TUSC3: variants seen among roughly 807,000 people sequenced by gnomAD.
TUSC3 encodes the protein tumor suppressor candidate 3.
A neutral mutation model predicts 44.8 loss-of-function variants in TUSC3; 45 were observed. The ratio of observed to expected loss-of-function variants is 1.00; its 90% CI spans 0.79 to 1.29. The LOEUF is 1.29. Ranked by LOEUF, TUSC3 falls within the 50% of genes most tolerant of loss-of-function variation. The probability of loss-of-function intolerance (pLI) is 0.00; values close to 1 mark genes in which losing one functional copy is unlikely to be tolerated. For synonymous variants in TUSC3, 212 were observed against 152.9 expected (o/e 1.39, Z -2.85); for missense variants, 519 against 437.9 (o/e 1.19, Z -1.65).
At chr8:15,536,720 A>G (rs1047752120), upstream of TUSC3, among the ~76,000 whole-genome samples, 3 of 140,478 alleles carry the variant, frequency 2.1e-5, no homozygotes, top group Non-Finnish European at 3.0e-5. Flanking sequence ...AAAAAAAAAA[A>G]AAAAGAATGC....
intron 5 of TUSC3, among the ~76,000 whole-genome samples, chr8:15,667,427 GAT>G (rs974885597): frequency 6.6e-6 from 1 of 151,616 alleles, no homozygotes; most frequent in Admixed American, 6.6e-5. Flanking sequence ...TAAATTCACT[GAT>G]ATGCATGTCT....
chr8:15,738,821 A>ATCTTTCTTTTTTTTTTCTT (rs1412644496), intron 7 of TUSC3, among the ~76,000 whole-genome samples: 7 of 93,406 alleles, frequency 7.5e-5, no homozygotes, highest in Admixed American at 6.6e-4. Context: ...CTATTAATAT[A>ATCTTTCTTTTTTTTTTCTT]TCTTGCTTTT....
chr8:15,545,390 G>T (rs1329583957), intron 1 of TUSC3, among the ~76,000 whole-genome samples: 1 of 151,526 alleles, frequency 6.6e-6, no homozygotes, highest in East Asian at 2.0e-4. Context: ...TTAAAAATGG[G>T]CAGTACACTT....
At chr8:15,447,773 A>T (rs1298543771) in intron 1 of TUSC3, among the ~76,000 whole-genome samples, 3 of 151,766 alleles carry the variant, frequency 2.0e-5, no homozygotes, top group African/African-American at 4.8e-5. Flanking sequence ...TCAAGTGTAC[A>T]TGATGTAAAA....
intron 3 of TUSC3, among the ~76,000 whole-genome samples, chr8:15,658,678 C>G (rs1274723457): frequency 6.8e-6 from 1 of 147,860 alleles, no homozygotes; most frequent in Non-Finnish European, 1.5e-5. Flanking sequence ...TATATATACA[C>G]ATACAATATA....
In TUSC3 at chr8:15,641,127, G is replaced by A. The variant is rs28571074; in HGVS notation, c.309-9570G>A. Among the ~76,000 whole-genome samples the A allele has an allele frequency of 2.8e-3, 422 of 152,140 alleles. 5 individuals carry two copies. The highest frequency in any genetic ancestry group is 9.8e-3 in the African/African-American group (407 of 41,500). On this transcript the variant is annotated intron_variant, in intron 2 of 10. Transcript: ENST00000503731. ...TGTAATCCCAGCACTTTGGGAGGCC[G>A]AGGTGGGCAGATCATTAGGTCAAGA...
chr8:15,688,536 C>T (rs1453173883), intron 6 of TUSC3, among the ~76,000 whole-genome samples: 6 of 151,214 alleles, frequency 4.0e-5, no homozygotes, highest in Admixed American at 4.0e-4. Context: ...ATTTCATTGC[C>T]CAGGTAATCA....
intron 1 of TUSC3, among the ~76,000 whole-genome samples, chr8:15,428,495 T>C (rs1799833510): frequency 6.6e-6 from 1 of 152,116 alleles, no homozygotes. Flanking sequence ...AGTAATGGGA[T>C]GGCTGGGTCA....
Position 15,746,383 on chromosome 8 carries a change from A to C in TUSC3, c.938-1992A>C, listed in dbSNP as rs112041173. On this transcript the variant is annotated intron_variant, in intron 8 of 10. Coordinates refer to ENST00000503731, the MANE Select transcript of TUSC3 (RefSeq NM_006765.4). The stretch of plus-strand genomic sequence containing the variant: ...CTGGAAAACATATTTTAAAACTTTC[A>C]AATTATTCCTTTTTGATGTGATTTT... Among the ~76,000 whole-genome samples the C allele has an allele frequency of 5.8e-3, 878 of 152,210 alleles. 7 individuals carry two copies. The highest frequency in any genetic ancestry group is 0.02 in the African/African-American group (835 of 41,544).
chr8:15,670,093 A>T (rs372210734), intron 5 of TUSC3, among the ~76,000 whole-genome samples: 1 of 151,930 alleles, frequency 6.6e-6, no homozygotes, highest in African/African-American at 2.4e-5. Context: ...TGAAAAATCT[A>T]TTCAAATAAA....
chr8:15,640,211 G>T (rs927858941), intron 2 of TUSC3, among the ~76,000 whole-genome samples: 1 of 152,134 alleles, frequency 6.6e-6, no homozygotes, highest in African/African-American at 2.4e-5. Context: ...ACCTTCTTGG[G>T]CACTGAATCT....
At position 15,756,537 on chromosome 8, in the gene TUSC3, T is replaced by G. The variant is rs370036383; in HGVS notation, c.1029-1254T>G. 3.3e-5 allele frequency among the ~76,000 whole-genome samples: 5 copies of G among 152,284 alleles called. No homozygotes were observed. The South Asian group carries it at 6.2e-4, about 19-fold the overall frequency. ...ACAGTTGTTTCATGTGTTTGTCTTT[T>G]TTTTCTAGATTATAAGGTATTTGTG... On this transcript the variant is annotated intron_variant, in intron 9 of 10. Transcript: ENST00000503731.
At chr8:15,617,429 C>T (rs1805046765) in intron 1 of TUSC3, among the ~76,000 whole-genome samples, 1 of 152,158 alleles carries the variant, frequency 6.6e-6, no homozygotes, top group African/African-American at 2.4e-5. Flanking sequence ...TGAGCCACCG[C>T]GCCTGGCCTG....
At chr8:15,490,436 T>G (rs1051168761) in intron 2 of TUSC3, among the ~76,000 whole-genome samples, 1 of 152,080 alleles carries the variant, frequency 6.6e-6, no homozygotes, top group Non-Finnish European at 1.5e-5. Flanking sequence ...ACTACCATCA[T>G]CACCACCCTG....
chr8:15,484,197 C>T lies in TUSC3; in HGVS notation n.189+714C>T, dbSNP rs189387997. Among the ~76,000 whole-genome samples, 283 of 152,230 alleles carry T rather than the reference C, an allele frequency of 1.9e-3. 1 individual carries two copies. The highest frequency in any genetic ancestry group is 6.2e-3 in the African/African-American group (259 of 41,536). On this transcript the variant is annotated intron_variant and non_coding_transcript_variant, in intron 2 of 5. Transcript: ENST00000503191. ...TTTTTAGTGAGATTTTTAATATTTA[C>T]ATGCACTTATGCAACCATAAATTTG...
intron 1 of TUSC3, among the ~76,000 whole-genome samples, chr8:15,468,275 A>T (rs928813383): frequency 6.6e-6 from 1 of 152,158 alleles, no homozygotes; most frequent in African/African-American, 2.4e-5. Context: ...GAGAGGAAAA[A>T]ATTGCGTTTT....
At chr8:15,473,407 G>T (rs1563260328) in intron 1 of TUSC3, among the ~76,000 whole-genome samples, 1 of 152,136 alleles carries the variant, frequency 6.6e-6, no homozygotes, top group Non-Finnish European at 1.5e-5. Context: ...AAATACTATA[G>T]AAAAAACTTG....
At chr8:15,604,419 C>T (rs960225021) in intron 1 of TUSC3, among the ~76,000 whole-genome samples, 4 of 151,454 alleles carry the variant, frequency 2.6e-5, no homozygotes, top group Non-Finnish European at 4.4e-5. Context: ...TTGATGAGTA[C>T]GTGGGTTTTT....
chr8:15,614,165 A>G (rs1197347456), intron 1 of TUSC3, among the ~76,000 whole-genome samples: 2 of 152,086 alleles, frequency 1.3e-5, no homozygotes, highest in Non-Finnish European at 2.9e-5. Context: ...TTTTCTCTGC[A>G]TTAGCCATAA....
Sources: allele counts gnomAD v4.1 joint callset (sites outside exome capture counted in the v4.1 genomes callset), GRCh38; gene constraint gnomAD v4.1.1; transcripts MANE v1.5; gene names NCBI Gene and HGNC (gene_info 2026-07-23, HGNC 2026-07-21).